Variants in SSX2IP observed in about 807,000 individuals in gnomAD.
SSX2IP encodes afadin- and alpha-actinin-binding protein.
A neutral mutation model predicts 84.9 loss-of-function variants in SSX2IP; 55 were observed. The observed-to-expected ratio is 0.65, with a 90% CI of 0.52 to 0.81. SSX2IP has a LOEUF of 0.81. SSX2IP is among the 30% of genes least tolerant of loss of function. The pLI is 0.00. For synonymous variants in SSX2IP, 239 were observed against 234.7 expected, an observed-to-expected ratio of 1.02 and a Z score of -0.17; for missense variants, 664 against 705.2, an observed-to-expected ratio of 0.94 and a Z score of 0.66.
At chr1:84,675,700 C>A (rs1654225025) in intron 1 of SSX2IP, among the ~76,000 whole-genome samples, 1 of 152,172 alleles carries the variant, frequency 6.6e-6, no homozygotes, top group African/African-American at 2.4e-5. Context: ...TGATTGCTTC[C>A]TATGCCCTAT....
rs1223879926 is a variant in SSX2IP, at chr1:84,674,205, A to G, written c.-89-2897T>C. On this transcript the variant is annotated intron_variant, in intron 1 of 13. Transcript: ENST00000342203. ...TCCTAAGTTTCCCAAGAGATAAGGTATAATGTACTTATCCCAAGAGATAAG... is the reference window on the plus strand; with the variant it reads ...TCCTAAGTTTCCCAAGAGATAAGGTGTAATGTACTTATCCCAAGAGATAAG... 3.3e-5 allele frequency among the ~76,000 whole-genome samples: 5 copies of G among 152,202 alleles called. No homozygotes were observed. In the East Asian group the frequency reaches 9.6e-4, roughly 29 times the overall value.
chr1:84,657,527 T>C lies in SSX2IP; in HGVS notation c.1078+791A>G, dbSNP rs763189236. Among the ~76,000 whole-genome samples the C allele has an allele frequency of 4.3e-4, 65 of 152,290 alleles. 1 individual carries two copies. Among genetic ancestry groups the C allele is most frequent in the Middle Eastern group, 6.8e-3 (2 of 294 alleles). On this transcript the variant is annotated intron_variant, in intron 9 of 13. Transcript: ENST00000342203. ...GAAATAAGCAAAATGTTCCTATCTA[T>C]ACTACGATAAATATTTCTTGATTTT...
rs571915184 is a variant in SSX2IP at position 84,644,722 on chromosome 1, G to A, written c.*2711C>T. On this transcript the variant is annotated 3_prime_UTR_variant, in exon 14 of 14. Transcript: ENST00000342203. ...AGATTCACGGTGCTCTCTTCATCAT[G>A]CGCACAAAATGTGTTTTCCCATAAC... is the stretch of plus-strand genomic sequence containing the variant. The A allele has an allele frequency of 6.6e-6, 1 of 152,252 alleles. No homozygotes were observed. The highest frequency in any genetic ancestry group is 1.9e-4 in the East Asian group (1 of 5,182). The allele number at this position is 152,252 out of a possible 1,614,324, so 9.4% of individuals were successfully genotyped here.
At chr1:84,674,381 G>C (rs1654010108) in intron 1 of SSX2IP, among the ~76,000 whole-genome samples, 1 of 152,080 alleles carries the variant, frequency 6.6e-6, no homozygotes, top group East Asian at 1.9e-4. Flanking sequence ...TCTTAATAAA[G>C]GTTGAACACA....
intron 6 of SSX2IP, among the ~76,000 whole-genome samples, chr1:84,663,830 G>A (rs1033402705): frequency 2.6e-5 from 4 of 152,072 alleles, no homozygotes; most frequent in East Asian, 1.9e-4. Flanking sequence ...CTCTACTTTC[G>A]TGTTTCTTTG....
At chr1:84,685,728 T>C (rs1273523735) in intron 1 of SSX2IP, among the ~76,000 whole-genome samples, 1 of 152,248 alleles carries the variant, frequency 6.6e-6, no homozygotes, top group African/African-American at 2.4e-5. Context: ...CGCCTCATTA[T>C]AAAACAACAT....
At chr1:84,664,369 T>C (rs757987209) in intron 6 of SSX2IP, 48 bp downstream of exon 6, 9 of 1,477,062 alleles carry the variant, frequency 6.1e-6, no homozygotes, top group South Asian at 2.8e-5. Context: ...TTTCTAAGCA[T>C]AGTATTAGCT....
intron 1 of SSX2IP, among the ~76,000 whole-genome samples, chr1:84,683,284 T>G (rs1655342385): frequency 6.6e-6 from 1 of 152,098 alleles, no homozygotes; most frequent in African/African-American, 2.4e-5. Flanking sequence ...CTCAAGCTGC[T>G]TTTTCAAACC....
intron 11 of SSX2IP, among the ~76,000 whole-genome samples, chr1:84,653,873 T>TGAGA (rs1553125973): frequency 6.6e-6 from 1 of 151,772 alleles, no homozygotes; most frequent in Non-Finnish European, 1.5e-5. Context: ...ACAAATATTA[T>TGAGA]CAGATTAATA....
At position 84,647,311 on chromosome 1, in the gene SSX2IP, C is replaced by T; in HGVS notation, c.*122G>A. ...ACTCTTTGGGGGAAGACAGGGAAGT[C>T]CAAACAAACAACTCAGACCATCTTA... On this transcript the variant is annotated 3_prime_UTR_variant, in exon 14 of 14. Coordinates refer to ENST00000342203, the MANE Select transcript of SSX2IP (RefSeq NM_001166293.2). 1.2e-5 allele frequency: 10 copies of T among 807,486 alleles called. 1 individual carries two copies. The South Asian group carries it at 2.8e-4, about 23-fold the overall frequency. The allele number at this position is 807,486 out of a possible 1,614,324, so 50.0% of individuals were successfully genotyped here. A position where few individuals can be genotyped will look rare whatever the true frequency, so the allele number is the denominator to read the frequency against.
chr1:84,669,615 T>C, intron 4 of SSX2IP, 66 bp downstream of exon 4: 2 of 1,279,314 alleles, frequency 1.6e-6, no homozygotes, highest in Non-Finnish European at 2.2e-6. Context: ...TTTAATAAAG[T>C]CAGTAAAAAT....
At chr1:84,675,948 C>T (rs1654268241) in intron 1 of SSX2IP, among the ~76,000 whole-genome samples, 2 of 152,278 alleles carry the variant, frequency 1.3e-5, no homozygotes, top group South Asian at 4.1e-4. Context: ...CACATACTGA[C>T]TGATGTCTCA....
chr1:84,647,678 G>A, intron 13 of SSX2IP, 71 bp from the exon 14 acceptor site: 1 of 1,107,732 alleles, frequency 9.0e-7, no homozygotes, highest in Non-Finnish European at 1.2e-6. Flanking sequence ...TCATAATGTG[G>A]CACTCTTCAA....
intron 1 of SSX2IP, among the ~76,000 whole-genome samples, chr1:84,671,806 C>CT (rs985196215): frequency 6.6e-6 from 1 of 152,170 alleles, no homozygotes; most frequent in African/African-American, 2.4e-5. Context: ...GCAATTTACA[C>CT]TACTACCAAG....
chr1:84,656,549 CA>C, intron 9 of SSX2IP, 65 bp from the exon 10 acceptor site: 8 of 1,401,178 alleles, frequency 5.7e-6, no homozygotes. Flanking sequence ...GTGTTTTGCA[CA>C]TATCTTTAAA....
At chr1:84,650,575 T>C (rs750364302) in intron 12 of SSX2IP, 48 bp from the exon 13 acceptor site, 1 of 1,592,702 alleles carries the variant, frequency 6.3e-7, no homozygotes, top group Non-Finnish European at 8.6e-7. Context: ...TGGTGAGGCA[T>C]TAAATATAGT....
intron 13 of SSX2IP, among the ~76,000 whole-genome samples, chr1:84,649,150 G>A (rs1649864396): frequency 6.6e-6 from 1 of 152,200 alleles, no homozygotes; most frequent in Non-Finnish European, 1.5e-5. Context: ...CTGGGGTGGA[G>A]AGAGCAAGCA....
chr1:84,651,779 TG>T, intron 12 of SSX2IP, 103 bp downstream of exon 12: 1 of 689,726 alleles, frequency 1.4e-6, no homozygotes, highest in Non-Finnish European at 2.4e-6. Context: ...GAGCTCTAAT[TG>T]GTGATTTCCA....
Position 84,670,773 on chromosome 1 carries a change from G to C in SSX2IP, c.86C>G (p.Ser29Cys). Residue 29 changes from serine to cysteine, a missense_variant, in exon 3 of 14, where the codon TCT (serine) becomes TGT (cysteine). Transcript: ENST00000342203. ...ISQYTSETKM[S>C]PSSLYSQQVL... ...TTGCTGTGAGTATAAACTTGATGGA[G>C]ACATCTTTGTTTCTGAGGTATATTG... is the stretch of plus-strand genomic sequence containing the variant. 6.2e-7 allele frequency: 1 copy of C among 1,612,720 alleles called. No homozygotes were observed. The highest frequency in any genetic ancestry group is 8.5e-7 in the Non-Finnish European group (1 of 1,179,270).
Sources: allele counts gnomAD v4.1 joint callset (sites outside exome capture counted in the v4.1 genomes callset), GRCh38; gene constraint gnomAD v4.1.1; transcripts MANE v1.5; gene names NCBI Gene and HGNC (gene_info 2026-07-23, HGNC 2026-07-21).